Variants in PTPRD observed in about 807,000 individuals in gnomAD.
PTPRD encodes protein tyrosine phosphatase receptor type D.
PTPRD carries 34 observed loss-of-function variants against 214.5 expected under a neutral mutation model. That is an observed-to-expected ratio of 0.16 (90% confidence interval 0.12 to 0.21). The LOEUF is 0.21. PTPRD is among the 10% of genes least tolerant of loss of function. The pLI is 1.00. For missense variants in PTPRD, 2,545 were observed against 2,398.7 expected (o/e 1.06, Z -1.27); for synonymous variants, 1,128 against 845.7 (o/e 1.33, Z -5.79).
At chr9:10,194,345 TAGAG>T (rs1182799154) in intron 3 of PTPRD, among the ~76,000 whole-genome samples, 348 of 39,244 alleles carry the variant, frequency 8.9e-3, no homozygotes, top group African/African-American at 0.019. Context: ...TATATATATA[TAGAG>T]AGAGAGAGAG....
chr9:9,165,200 C>G (rs2099900446), intron 10 of PTPRD, among the ~76,000 whole-genome samples: 1 of 151,910 alleles, frequency 6.6e-6, no homozygotes, highest in African/African-American at 2.4e-5. Flanking sequence ...TCTTTGAATC[C>G]ATAGTCTAAT....
chr9:8,370,745 A>C (rs1163496143), intron 39 of PTPRD, among the ~76,000 whole-genome samples: 1 of 152,068 alleles, frequency 6.6e-6, no homozygotes, highest in Non-Finnish European at 1.5e-5. Context: ...CCAAAGGGAC[A>C]GCAGAAAGGG....
intron 11 of PTPRD, among the ~76,000 whole-genome samples, chr9:8,775,576 T>TG (rs2095438454): frequency 1.4e-5 from 1 of 73,572 alleles, no homozygotes; most frequent in Non-Finnish European, 3.0e-5. Flanking sequence ...TCTCAAATAT[T>TG]ATTTTTATAA....
In PTPRD at chr9:10,338,102, C is replaced by T. The variant is rs563947027; in HGVS notation, c.-545+2861G>A. On this transcript the variant is annotated intron_variant, in intron 3 of 45. Transcript: ENST00000381196. ...ATTCTATTTTGAGTCCAAAGACCAACTGAAAATGCATAAAAAGATTATATA... is the reference window on the plus strand; with the variant it reads ...ATTCTATTTTGAGTCCAAAGACCAATTGAAAATGCATAAAAAGATTATATA... Among the ~76,000 whole-genome samples, 9 of 151,674 alleles carry T rather than the reference C, an allele frequency of 5.9e-5. No individual in the cohort carries two copies. The South Asian group carries it at 1.9e-3, about 32-fold the overall frequency.
intron 8 of PTPRD, among the ~76,000 whole-genome samples, chr9:9,486,144 C>T (rs2095622121): frequency 1.6e-5 from 1 of 61,930 alleles, no homozygotes. Context: ...GAGCAAGACT[C>T]TCTCTCAAAA....
intron 11 of PTPRD, among the ~76,000 whole-genome samples, chr9:8,933,509 C>G (rs2154286219): frequency 6.6e-6 from 1 of 152,056 alleles, no homozygotes; most frequent in East Asian, 1.9e-4. Context: ...ACATGCTTCT[C>G]AAGTCCACAG....
chr9:8,599,559 G>GA (rs1159372933), intron 14 of PTPRD, among the ~76,000 whole-genome samples: 6 of 150,526 alleles, frequency 4.0e-5, no homozygotes, highest in African/African-American at 1.5e-4. Context: ...ACAAAAGGGG[G>GA]AACGCAAGAT....
At chr9:9,758,714 C>T (rs774630358) in intron 6 of PTPRD, among the ~76,000 whole-genome samples, 7 of 152,116 alleles carry the variant, frequency 4.6e-5, no homozygotes, top group Non-Finnish European at 7.4e-5. Context: ...CGCTCCAGAA[C>T]CTCTTACCAT....
chr9:8,428,717 T>C (rs1435075875), intron 35 of PTPRD, among the ~76,000 whole-genome samples: 2 of 152,176 alleles, frequency 1.3e-5, no homozygotes, highest in Non-Finnish European at 2.9e-5. Context: ...TTGTTTTTGT[T>C]TGTATGATTC....
intron 5 of PTPRD, among the ~76,000 whole-genome samples, chr9:9,843,011 T>G (rs544908058): frequency 2.4e-4 from 37 of 152,292 alleles, no homozygotes; most frequent in African/African-American, 8.9e-4. Context: ...CTATGGCCCT[T>G]GGACCAATTC....
intron 33 of PTPRD, among the ~76,000 whole-genome samples, chr9:8,458,886 GA>G (rs201130263): frequency 2.6e-5 from 4 of 151,492 alleles, no homozygotes; most frequent in African/African-American, 9.7e-5. Context: ...CAGTGTTCAT[GA>G]AAAAAAATAA....
chr9:10,006,621 G>T (rs116559397), intron 4 of PTPRD, among the ~76,000 whole-genome samples: 5 of 151,870 alleles, frequency 3.3e-5, no homozygotes, highest in Non-Finnish European at 7.4e-5. Context: ...ACTGAGCAGG[G>T]TGTGTCCCTA....
chr9:9,759,006 G>A (rs1284848076), intron 6 of PTPRD, among the ~76,000 whole-genome samples: 1 of 152,036 alleles, frequency 6.6e-6, no homozygotes, highest in African/African-American at 2.4e-5. Context: ...AATGGAAGGT[G>A]GTGTTTAAAG....
At chr9:10,224,000 G>C (rs2099580428) in intron 3 of PTPRD, among the ~76,000 whole-genome samples, 1 of 151,610 alleles carries the variant, frequency 6.6e-6, no homozygotes, top group Non-Finnish European at 1.5e-5. Flanking sequence ...TGATTACGTT[G>C]ATTTGAAAAT....
intron 12 of PTPRD, among the ~76,000 whole-genome samples, chr9:8,655,171 A>T (rs1425493054): frequency 6.6e-6 from 1 of 152,084 alleles, no homozygotes; most frequent in Non-Finnish European, 1.5e-5. Context: ...AAAGTACTCA[A>T]CTCTCTGGTT....
At chr9:8,853,721 G>A (rs1217648729) in intron 11 of PTPRD, among the ~76,000 whole-genome samples, 1 of 152,164 alleles carries the variant, frequency 6.6e-6, no homozygotes, top group Admixed American at 6.5e-5. Flanking sequence ...AGTTCACAGA[G>A]AGAATAACTC....
chr9:9,781,431 AAAAG>A (rs1332894412), intron 5 of PTPRD, among the ~76,000 whole-genome samples: 1 of 152,226 alleles, frequency 6.6e-6, no homozygotes, highest in African/African-American at 2.4e-5. Context: ...TAATGGGAAA[AAAAG>A]AAAGACAACG....
chr9:9,415,929 G>C (rs932751859), intron 8 of PTPRD, among the ~76,000 whole-genome samples: 1 of 151,888 alleles, frequency 6.6e-6, no homozygotes, highest in Non-Finnish European at 1.5e-5. Context: ...GTCCCAGAAG[G>C]AAAAAAAGCA....
chr9:10,018,949 C>A (rs1187282362), intron 4 of PTPRD, among the ~76,000 whole-genome samples: 1 of 152,118 alleles, frequency 6.6e-6, no homozygotes, highest in Non-Finnish European at 1.5e-5. Flanking sequence ...AACTAAAGAG[C>A]TTCTGCGCAG....
Sources: gnomAD v4.1 joint callset for allele counts (sites outside exome capture counted in the v4.1 genomes callset) on GRCh38, gnomAD v4.1.1 for gene constraint, MANE v1.5 for transcripts, NCBI Gene and HGNC (gene_info 2026-07-23, HGNC 2026-07-21) for gene names.